Variants in NKAIN3 observed in about 807,000 individuals in gnomAD.
The protein encoded by NKAIN3 is sodium/potassium-transporting ATPase subunit beta-1-interacting protein 3.
NKAIN3 carries 25 observed loss-of-function variants against 30.2 expected under a neutral mutation model. The observed-to-expected ratio is 0.83, with a 90% CI of 0.60 to 1.16. NKAIN3 has a LOEUF of 1.16. Ranked by LOEUF, NKAIN3 falls within the 50% of genes most tolerant of loss-of-function variation. The pLI is 0.00. For missense variants in NKAIN3, 225 were observed against 254.1 expected (o/e 0.89, Z 0.78); for synonymous variants, 91 against 89.6 (o/e 1.02, Z -0.09).
chr8:62,415,958 C>T (rs1328149240), intron 1 of NKAIN3, among the ~76,000 whole-genome samples: 4 of 152,024 alleles, frequency 2.6e-5, no homozygotes, highest in South Asian at 4.2e-4. Context: ...GGGGTTTCAC[C>T]GTGTTAGCCA....
intron 3 of NKAIN3, among the ~76,000 whole-genome samples, chr8:62,634,203 G>A (rs1812056932): frequency 6.6e-6 from 1 of 151,300 alleles, no homozygotes; most frequent in Non-Finnish European, 1.5e-5. Context: ...CAACAATCAG[G>A]CCTCCCACAT....
chr8:62,399,490 G>A (rs2129595125), intron 1 of NKAIN3, among the ~76,000 whole-genome samples: 1 of 152,212 alleles, frequency 6.6e-6, no homozygotes, highest in Admixed American at 6.5e-5. Flanking sequence ...AGGTGTAAGA[G>A]GCAGCCTCTG....
intron 4 of NKAIN3, among the ~76,000 whole-genome samples, chr8:62,878,509 T>TTTATTA (rs77965849): frequency 2.0e-5 from 3 of 151,010 alleles, no homozygotes; most frequent in Admixed American, 6.6e-5. Context: ...TTGTTGTGTT[T>TTTATTA]TTATTATTAT....
chr8:62,682,391 CA>C (rs1315735197), intron 3 of NKAIN3, among the ~76,000 whole-genome samples: 1 of 152,086 alleles, frequency 6.6e-6, no homozygotes, highest in Non-Finnish European at 1.5e-5. Flanking sequence ...GGAGGGCTGC[CA>C]GGGGAACTGG....
chr8:62,929,389 CCTTTGCT>C (rs1453639394), intron 5 of NKAIN3, among the ~76,000 whole-genome samples: 47 of 152,176 alleles, frequency 3.1e-4, no homozygotes, highest in Non-Finnish European at 1.3e-4. Context: ...ATTTTCTTTT[CCTTTGCT>C]CTATATTTGC....
intron 1 of NKAIN3, among the ~76,000 whole-genome samples, chr8:62,303,097 A>C (rs1456246985): frequency 6.6e-6 from 1 of 150,428 alleles, no homozygotes; most frequent in African/African-American, 2.5e-5. Context: ...TATAACATTC[A>C]AATCAGTAGG....
intron 1 of NKAIN3, among the ~76,000 whole-genome samples, chr8:62,288,703 CGTGTGCAT>C (rs1554663290): frequency 6.6e-6 from 1 of 152,122 alleles, no homozygotes; most frequent in Non-Finnish European, 1.5e-5. Context: ...AATAAACATA[CGTGTGCAT>C]GTGTCTTTAT....
At chr8:62,855,711 T>C in intron 4 of NKAIN3, 1 of 1,575,178 alleles carries the variant, frequency 6.3e-7, no homozygotes, top group Non-Finnish European at 8.7e-7. Flanking sequence ...AAGCGGAGCT[T>C]CTGAACGATA....
At chr8:62,282,527 G>A (rs1813239992) in intron 1 of NKAIN3, among the ~76,000 whole-genome samples, 1 of 152,170 alleles carries the variant, frequency 6.6e-6, no homozygotes, top group Non-Finnish European at 1.5e-5. Flanking sequence ...TATTCAGGGA[G>A]CGATCGATCT....
intron 1 of NKAIN3, among the ~76,000 whole-genome samples, chr8:62,519,797 A>G (rs1808100707): frequency 6.6e-6 from 1 of 152,108 alleles, no homozygotes; most frequent in Non-Finnish European, 1.5e-5. Flanking sequence ...AAGTTTTCAG[A>G]TTGCCGGGGC....
chr8:62,461,105 T>C (rs771665388), intron 1 of NKAIN3, among the ~76,000 whole-genome samples: 2 of 152,084 alleles, frequency 1.3e-5, no homozygotes, highest in African/African-American at 4.8e-5. Context: ...GGAAGTGAAG[T>C]CTAATGCAGA....
At chr8:62,700,613 C>A (rs1202565016) in intron 3 of NKAIN3, among the ~76,000 whole-genome samples, 2 of 152,140 alleles carry the variant, frequency 1.3e-5, no homozygotes, top group South Asian at 4.1e-4. Flanking sequence ...TTAATCATCA[C>A]CTTTGGCAAA....
At chr8:62,367,026 C>T (rs535377500) in intron 1 of NKAIN3, among the ~76,000 whole-genome samples, 1 of 152,176 alleles carries the variant, frequency 6.6e-6, no homozygotes, top group African/African-American at 2.4e-5. Flanking sequence ...TATTGATTCT[C>T]ATTTTGATAG....
At chr8:62,730,275 CCACTAG>C (rs1359663048) in intron 3 of NKAIN3, among the ~76,000 whole-genome samples, 1 of 151,920 alleles carries the variant, frequency 6.6e-6, no homozygotes, top group African/African-American at 2.4e-5. Flanking sequence ...GAATTTAGCT[CCACTAG>C]AGCATAAATT....
intron 1 of NKAIN3, among the ~76,000 whole-genome samples, chr8:62,428,946 A>T (rs1488533398): frequency 6.6e-6 from 1 of 151,962 alleles, no homozygotes; most frequent in Non-Finnish European, 1.5e-5. Context: ...TTCTTCTAGT[A>T]GTTTCATAGT....
At chr8:62,343,882 T>A (rs543408334) in intron 1 of NKAIN3, among the ~76,000 whole-genome samples, 59 of 152,220 alleles carry the variant, frequency 3.9e-4, no homozygotes, top group African/African-American at 9.6e-4. Context: ...AAAATTGCTG[T>A]AGTATAGAGA....
intron 5 of NKAIN3, among the ~76,000 whole-genome samples, chr8:62,926,657 G>T (rs758817203): frequency 6.6e-6 from 1 of 152,132 alleles, no homozygotes; most frequent in Non-Finnish European, 1.5e-5. Flanking sequence ...AAGAGGCAAT[G>T]TGACCGCCGG....
chr8:62,284,499 G>A (rs1473580539), intron 1 of NKAIN3, among the ~76,000 whole-genome samples: 1 of 152,102 alleles, frequency 6.6e-6, no homozygotes, highest in African/African-American at 2.4e-5. Flanking sequence ...GGTGGCACAT[G>A]CCTGTAATCC....
chr8:62,769,340 G>T (rs1000487688), intron 4 of NKAIN3, among the ~76,000 whole-genome samples: 2 of 152,130 alleles, frequency 1.3e-5, no homozygotes, highest in African/African-American at 4.8e-5. Flanking sequence ...GTATGCTGAT[G>T]AATCTAATTC....
Sources: allele counts gnomAD v4.1 joint callset (sites outside exome capture counted in the v4.1 genomes callset), GRCh38; gene constraint gnomAD v4.1.1; transcripts MANE v1.5; gene names NCBI Gene and HGNC (gene_info 2026-07-23, HGNC 2026-07-21).